DAB1: variants seen among roughly 807,000 people sequenced by gnomAD.
DAB1 encodes DAB adaptor protein 1, also known as disabled homolog 1.
DAB1 carries 15 observed loss-of-function variants against 64.6 expected under a neutral mutation model. The observed-to-expected ratio is 0.23, with a 90% CI of 0.16 to 0.36. The LOEUF is 0.36. Among genes scored for constraint, DAB1 ranks in the 10% least tolerant of loss-of-function variants. The pLI, the probability that DAB1 is intolerant of heterozygous loss-of-function variation, is 1.00. For missense variants in DAB1, 596 were observed against 706.7 expected, an observed-to-expected ratio of 0.84 and a Z score of 1.78; for synonymous variants, 235 against 251.9, an observed-to-expected ratio of 0.93 and a Z score of 0.64.
At chr1:57,318,524 C>A (rs556797045) in intron 1 of DAB1, among the ~76,000 whole-genome samples, 1 of 152,230 alleles carries the variant, frequency 6.6e-6, no homozygotes, top group South Asian at 2.1e-4. Flanking sequence ...TCAAAAGCTA[C>A]CTCCTCTGTG....
At chr1:58,395,651 C>G (rs1476364303) in intron 3 of DAB1, among the ~76,000 whole-genome samples, 2 of 152,214 alleles carry the variant, frequency 1.3e-5, no homozygotes, top group African/African-American at 4.8e-5. Context: ...GATCTAGAGT[C>G]TAGCCTGGAG....
At chr1:57,512,254 T>A (rs1248095411) in intron 7 of DAB1, among the ~76,000 whole-genome samples, 1 of 152,152 alleles carries the variant, frequency 6.6e-6, no homozygotes, top group East Asian at 1.9e-4. Context: ...GAGCAGAGAG[T>A]TTTATACAGC....
At chr1:58,246,845 GGTGT>G (rs769319258) in intron 4 of DAB1, among the ~76,000 whole-genome samples, 8 of 151,916 alleles carry the variant, frequency 5.3e-5, no homozygotes, top group Non-Finnish European at 8.8e-5. Context: ...TGTGTGTGAA[GGTGT>G]GTGTGTATGT....
intron 1 of DAB1, among the ~76,000 whole-genome samples, chr1:57,827,561 C>T (rs1436640846): frequency 6.6e-6 from 1 of 152,154 alleles, no homozygotes; most frequent in Non-Finnish European, 1.5e-5. Flanking sequence ...GAAGATTTAA[C>T]ACAGTGCCAG....
At chr1:58,101,567 C>T (rs1266203154) in intron 5 of DAB1, among the ~76,000 whole-genome samples, 2 of 152,096 alleles carry the variant, frequency 1.3e-5, no homozygotes, top group South Asian at 2.1e-4. Context: ...CTAAACAATG[C>T]TTTGAACTTA....
intron 1 of DAB1, among the ~76,000 whole-genome samples, chr1:57,394,979 T>G (rs1316157040): frequency 6.6e-6 from 1 of 152,226 alleles, no homozygotes; most frequent in African/African-American, 2.4e-5. Flanking sequence ...TTGGTTGTTT[T>G]TGCATTTCTG....
intron 1 of DAB1, among the ~76,000 whole-genome samples, chr1:57,846,956 T>A (rs1036734221): frequency 6.6e-6 from 1 of 152,234 alleles, no homozygotes; most frequent in African/African-American, 2.4e-5. Context: ...TGGTTGGTAG[T>A]GTGACATGCC....
intron 7 of DAB1, among the ~76,000 whole-genome samples, chr1:57,465,935 T>C (rs1403662816): frequency 1.3e-5 from 2 of 152,212 alleles, no homozygotes; most frequent in African/African-American, 4.8e-5. Context: ...AGTTTCAATG[T>C]TTTATATGCC....
chr1:57,941,188 C>T (rs1645098800), intron 5 of DAB1, among the ~76,000 whole-genome samples: 1 of 152,132 alleles, frequency 6.6e-6, no homozygotes, highest in Non-Finnish European at 1.5e-5. Context: ...AAGTTGTGGA[C>T]TCAAGCGCAG....
At chr1:57,288,477 G>C (rs948789641) in intron 2 of DAB1, among the ~76,000 whole-genome samples, 5 of 152,146 alleles carry the variant, frequency 3.3e-5, no homozygotes, top group Non-Finnish European at 7.4e-5. Context: ...TGGGGCTCTT[G>C]TGATGGGAAA....
chr1:57,168,385 T>C (rs1464086845), intron 2 of DAB1, among the ~76,000 whole-genome samples: 3 of 152,190 alleles, frequency 2.0e-5, no homozygotes, highest in Non-Finnish European at 2.9e-5. Flanking sequence ...TCTTTCCCAT[T>C]GGAATGACAC....
intron 3 of DAB1, among the ~76,000 whole-genome samples, chr1:58,433,318 G>A (rs1644900093): frequency 6.6e-6 from 1 of 152,158 alleles, no homozygotes; most frequent in Non-Finnish European, 1.5e-5. Context: ...TCTAAATAAT[G>A]TGGTCAGGGT....
intron 5 of DAB1, among the ~76,000 whole-genome samples, chr1:57,910,357 C>A (rs556384356): frequency 6.6e-6 from 1 of 152,204 alleles, no homozygotes; most frequent in Non-Finnish European, 1.5e-5. Context: ...GATTCTTCCA[C>A]CCTCTCCAAG....
chr1:58,178,441 C>T (rs911295875), intron 4 of DAB1, among the ~76,000 whole-genome samples: 1 of 152,084 alleles, frequency 6.6e-6, no homozygotes, highest in African/African-American at 2.4e-5. Context: ...TAGGATCTTT[C>T]CGGAAATAAT....
At chr1:57,212,696 A>G (rs946058914) in intron 2 of DAB1, among the ~76,000 whole-genome samples, 22 of 152,116 alleles carry the variant, frequency 1.4e-4, no homozygotes, top group African/African-American at 5.3e-4. Context: ...GCACATTCAT[A>G]TGCACTAATT....
chr1:57,692,433 A>G (rs1192384500), intron 6 of DAB1, among the ~76,000 whole-genome samples: 3 of 152,148 alleles, frequency 2.0e-5, no homozygotes, highest in Non-Finnish European at 4.4e-5. Context: ...GAAGTCAAAG[A>G]GAAGGAGACA....
intron 5 of DAB1, among the ~76,000 whole-genome samples, chr1:58,107,047 T>A (rs1053131993): frequency 6.6e-6 from 1 of 151,768 alleles, no homozygotes; most frequent in African/African-American, 2.4e-5. Context: ...AGGGTGTTAA[T>A]AACATAGTCC....
At chr1:57,292,621 T>C (rs1672866048) in intron 1 of DAB1, among the ~76,000 whole-genome samples, 1 of 152,158 alleles carries the variant, frequency 6.6e-6, no homozygotes, top group Non-Finnish European at 1.5e-5. Context: ...TGTATAAACA[T>C]AATAAAATTT....
At chr1:58,410,414 C>A (rs1201601898) in intron 3 of DAB1, among the ~76,000 whole-genome samples, 1 of 152,198 alleles carries the variant, frequency 6.6e-6, no homozygotes, top group African/African-American at 2.4e-5. Flanking sequence ...TCCCACCCAC[C>A]CCTTTCTTGA....
Sources: gnomAD v4.1 joint callset for allele counts (sites outside exome capture counted in the v4.1 genomes callset) on GRCh38, gnomAD v4.1.1 for gene constraint, MANE v1.5 for transcripts, NCBI Gene and HGNC (gene_info 2026-07-23, HGNC 2026-07-21) for gene names.